The following SENP6 variants were observed in gnomAD, a reference collection of about 807,000 sequenced individuals.
SENP6 encodes the protein SUMO specific peptidase 6, also known as sentrin-specific protease 6.
A neutral mutation model predicts 134.5 loss-of-function variants in SENP6; 41 were observed. The ratio of observed to expected loss-of-function variants is 0.30; its 90% CI spans 0.24 to 0.40. The LOEUF (loss-of-function observed/expected upper bound fraction) is 0.40, where lower values mean the gene tolerates loss of function less well. SENP6 is among the 10% of genes least tolerant of loss of function. The probability of loss-of-function intolerance (pLI) is 1.00; values close to 1 mark genes in which losing one functional copy is unlikely to be tolerated. For synonymous variants in SENP6, 395 were observed against 429.8 expected, an observed-to-expected ratio of 0.92 and a Z score of 1.00; for missense variants, 1,248 against 1,312.5, an observed-to-expected ratio of 0.95 and a Z score of 0.76.
intron 1 of SENP6, among the ~76,000 whole-genome samples, chr6:75,615,809 G>A (rs965302042): frequency 3.3e-5 from 5 of 152,156 alleles, no homozygotes; most frequent in Admixed American, 6.5e-5. Context: ...GAAATTAGTG[G>A]CGAAGCCTTC....
In SENP6 at chr6:75,652,683, C is replaced by CAAAAAAAAAAAAAAAAAAAAAAAAAAAAA. The variant is rs71002754; in HGVS notation, c.550+4902_550+4903insAAAAAAAAAAAAAAAAAAAAAAAAAAAAA. 4.1e-4 allele frequency among the ~76,000 whole-genome samples: 31 copies of CAAAAAAAAAAAAAAAAAAAAAAAAAAAAA among 75,856 alleles called. 1 individual carries two copies. Among genetic ancestry groups the CAAAAAAAAAAAAAAAAAAAAAAAAAAAAA allele is most frequent in the African/African-American group, 5.1e-4 (8 of 15,780 alleles). The allele number at this position is 75,856 out of a possible 152,430, so 49.8% of individuals were successfully genotyped here. ...GAAATCCCATCTCTACTAAAAATCTCAAAAAAAAAAAAAAAAAAAAGAAAA... is the reference window on the plus strand; with the variant it reads ...GAAATCCCATCTCTACTAAAAATCTCAAAAAAAAAAAAAAAAAAAAAAAAAAAAAAAAAAAAAAAAAAAAAAAAAGAAAA... On this transcript the variant is annotated intron_variant, in intron 7 of 23. Coordinates refer to ENST00000447266, the MANE Select transcript of SENP6 (RefSeq NM_015571.4).
At chr6:75,664,788 A>G (rs1562022775) in intron 9 of SENP6, among the ~76,000 whole-genome samples, 1 of 152,222 alleles carries the variant, frequency 6.6e-6, no homozygotes, top group Non-Finnish European at 1.5e-5. Context: ...TAATAAAGTC[A>G]ACGCATGACT....
intron 16 of SENP6, among the ~76,000 whole-genome samples, chr6:75,693,817 T>C (rs925205052): frequency 5.9e-5 from 9 of 152,218 alleles, no homozygotes; most frequent in Admixed American, 1.3e-4. Context: ...AATATTAATA[T>C]GGCCATAAGC....
At chr6:75,663,118 T>C in intron 8 of SENP6, 103 bp from the exon 9 acceptor site, 1 of 1,098,754 alleles carries the variant, frequency 9.1e-7, no homozygotes, top group Non-Finnish European at 1.3e-6. Flanking sequence ...TTTCTTTTGT[T>C]CTTTTGGAAC....
At chr6:75,614,711 T>C (rs964854074) in intron 1 of SENP6, among the ~76,000 whole-genome samples, 2 of 152,172 alleles carry the variant, frequency 1.3e-5, no homozygotes, top group Non-Finnish European at 2.9e-5. Context: ...AATATAATGG[T>C]TCCCAAGTGA....
chr6:75,690,309 G>A (rs960991977), intron 16 of SENP6, among the ~76,000 whole-genome samples: 5 of 152,164 alleles, frequency 3.3e-5, no homozygotes, highest in African/African-American at 9.7e-5. Context: ...ATTGATGAAC[G>A]GATAAACCAA....
In SENP6 at chr6:75,702,663, T is replaced by G. The variant is rs1424361269; in HGVS notation, c.2307T>G (p.Ala769=). Residue 769 remains alanine, a synonymous_variant, in exon 19 of 24, where the codon GCT becomes GCG. Transcript: ENST00000447266. ...PLNEAAHWFL[A]VVCFPGLEKP... ...TTTACAGTGCACACTGGTTTTTGGC[T>G]GTTGTTTGTTTCCCCGGTTTGGAAA... 2 of 1,593,812 alleles carry G rather than the reference T, an allele frequency of 1.3e-6. No homozygotes were observed. Among genetic ancestry groups the G allele is most frequent in the African/African-American group, 2.7e-5 (2 of 74,088 alleles).
intron 6 of SENP6, chr6:75,646,811 G>A (rs537735177): frequency 9.9e-5 from 15 of 151,844 alleles, no homozygotes; most frequent in African/African-American, 3.4e-4. Context: ...ACTCCAGCCT[G>A]GGCGACAGAG....
chr6:75,674,061 A>T (rs557732620), intron 11 of SENP6, among the ~76,000 whole-genome samples: 1 of 150,504 alleles, frequency 6.6e-6, no homozygotes, highest in Non-Finnish European at 1.5e-5. Context: ...TGTCATCATT[A>T]TTGACACTTT....
chr6:75,708,773 A>G (rs1450007089), intron 19 of SENP6, among the ~76,000 whole-genome samples: 2 of 152,130 alleles, frequency 1.3e-5, no homozygotes, highest in African/African-American at 4.8e-5. Context: ...TGTACCTGTA[A>G]TCCCAGCTAC....
intron 10 of SENP6, among the ~76,000 whole-genome samples, chr6:75,669,355 C>CA (rs1772494162): frequency 2.0e-5 from 3 of 151,754 alleles, no homozygotes; most frequent in African/African-American, 7.3e-5. Context: ...GACTCCATCT[C>CA]AAAAAATAAT....
At chr6:75,636,078 T>C (rs1769489602) in intron 5 of SENP6, among the ~76,000 whole-genome samples, 1 of 152,108 alleles carries the variant, frequency 6.6e-6, no homozygotes, top group Admixed American at 6.5e-5. Flanking sequence ...AGTCTGGAAA[T>C]TGGGTTGCGA....
At chr6:75,635,664 C>T (rs528990454) in intron 5 of SENP6, among the ~76,000 whole-genome samples, 2 of 152,160 alleles carry the variant, frequency 1.3e-5, no homozygotes, top group African/African-American at 4.8e-5. Context: ...TAGTGTTCAC[C>T]TGAGATGCTT....
chr6:75,626,523 T>C (rs755379434), intron 3 of SENP6, among the ~76,000 whole-genome samples: 48 of 152,284 alleles, frequency 3.2e-4, no homozygotes, highest in Admixed American at 1.0e-3. Flanking sequence ...ACTGTAGATA[T>C]TCAGTTTGTC....
At chr6:75,698,544 A>G (rs1191551543) in intron 18 of SENP6, among the ~76,000 whole-genome samples, 1 of 151,994 alleles carries the variant, frequency 6.6e-6, no homozygotes, top group African/African-American at 2.4e-5. Flanking sequence ...TGTGTTGCTC[A>G]GGCTGGTCTT....
chr6:75,693,300 GAGGCTGAGGCAGGAGAATC>G (rs1267698930), intron 16 of SENP6, among the ~76,000 whole-genome samples: 1 of 151,774 alleles, frequency 6.6e-6, no homozygotes, highest in Non-Finnish European at 1.5e-5. Context: ...AGCTACTCAG[GAGGCTGAGGCAGGAGAATC>G]ACTTGAACCT....
At chr6:75,634,390 G>A (rs1428395389) in intron 4 of SENP6, among the ~76,000 whole-genome samples, 1 of 152,082 alleles carries the variant, frequency 6.6e-6, no homozygotes, top group African/African-American at 2.4e-5. Context: ...GGGATTACAG[G>A]TGCCCACCAC....
At chr6:75,631,799 C>T (rs1185347939) in intron 3 of SENP6, among the ~76,000 whole-genome samples, 1 of 152,182 alleles carries the variant, frequency 6.6e-6, no homozygotes, top group Admixed American at 6.5e-5. Flanking sequence ...TTGCTGATCC[C>T]TGTATCAGTG....
intron 6 of SENP6, among the ~76,000 whole-genome samples, chr6:75,642,469 T>C (rs1038086326): frequency 6.6e-6 from 1 of 152,082 alleles, no homozygotes; most frequent in African/African-American, 2.4e-5. Context: ...CTTTTCCAGA[T>C]AGGGAAGAGG....
Sources: gnomAD v4.1 joint callset for allele counts (sites outside exome capture counted in the v4.1 genomes callset) on GRCh38, gnomAD v4.1.1 for gene constraint, MANE v1.5 for transcripts, NCBI Gene and HGNC (gene_info 2026-07-23, HGNC 2026-07-21) for gene names.